Variants in CYP3A5 observed in about 807,000 individuals in gnomAD.
CYP3A5 encodes cytochrome P450 family 3 subfamily A member 5.
In CYP3A5, 51 loss-of-function variants were observed where a neutral mutation model predicts 55.9. The observed-to-expected ratio is 0.91, with a 90% CI of 0.73 to 1.15. CYP3A5 has a LOEUF of 1.15. Among genes scored for constraint, CYP3A5 ranks in the 50% most tolerant of loss-of-function variants. The probability of loss-of-function intolerance (pLI) is 0.00; values close to 1 mark genes in which losing one functional copy is unlikely to be tolerated. For synonymous variants in CYP3A5, 196 were observed against 213.9 expected, an observed-to-expected ratio of 0.92 and a Z score of 0.73; for missense variants, 533 against 596.6, an observed-to-expected ratio of 0.89 and a Z score of 1.11.
intron 10 of CYP3A5, among the ~76,000 whole-genome samples, chr7:99,656,639 T>C (rs1809767665): frequency 6.6e-6 from 1 of 152,236 alleles, no homozygotes; most frequent in African/African-American, 2.4e-5. Flanking sequence ...TTGATTGGAA[T>C]AGTTTCAGAA....
Position 99,662,770 on chromosome 7 carries a change from C to A in CYP3A5, c.865+46G>T. ...GCACATTTTCAGAACAAGGCCCTCC[C>A]TCTTAGTGTCCCCGCCAGTAGCCCT... On this transcript the variant is annotated intron_variant, in intron 9 of 12. Coordinates refer to ENST00000222982, the MANE Select transcript of CYP3A5 (RefSeq NM_000777.5). The surrounding 1 kb of genome is among the most constrained non-coding windows in gnomAD (Gnocchi z 4.3). The A allele has an allele frequency of 6.4e-7, 1 of 1,562,842 alleles. No individual in the cohort carries two copies. The highest frequency in any genetic ancestry group is 1.1e-5 in the South Asian group (1 of 89,816).
chr7:99,655,387 G>T (rs565337394), intron 10 of CYP3A5, among the ~76,000 whole-genome samples: 2 of 152,308 alleles, frequency 1.3e-5, no homozygotes, highest in East Asian at 3.9e-4. Flanking sequence ...TCAGATGGTT[G>T]TAGATATGTG....
chr7:99,660,988 C>T (rs922843593), intron 9 of CYP3A5, among the ~76,000 whole-genome samples: 2 of 152,076 alleles, frequency 1.3e-5, no homozygotes, highest in African/African-American at 4.8e-5. Context: ...CTTGAATGAT[C>T]CTAAAAGTAC....
chr7:99,648,726 T>G (rs993772316), intron 12 of CYP3A5, among the ~76,000 whole-genome samples: 6 of 152,030 alleles, frequency 3.9e-5, no homozygotes, highest in African/African-American at 1.4e-4. Flanking sequence ...AAATCCAGAT[T>G]AGTAGGTATT....
intron 1 of CYP3A5, among the ~76,000 whole-genome samples, chr7:99,679,050 A>T (rs1336118404): frequency 6.6e-6 from 1 of 152,258 alleles, no homozygotes; most frequent in Non-Finnish European, 1.5e-5. Context: ...GATTCCCATT[A>T]GGTGAGAAAC....
Position 99,674,643 on chromosome 7 carries a change from T to G in CYP3A5, c.166-58A>C, listed in dbSNP as rs1812041665. 8 of 1,461,738 alleles carry G rather than the reference T, an allele frequency of 5.5e-6. No individual in the cohort carries two copies. The East Asian group carries it at 1.9e-4, about 34-fold the overall frequency. 90.5% of individuals were successfully genotyped at this position (1,461,738 alleles called of 1,614,324 possible). On this transcript the variant is annotated intron_variant, in intron 2 of 12. Coordinates refer to ENST00000222982, the MANE Select transcript of CYP3A5 (RefSeq NM_000777.5). ...TATTTTAAATAGAATAAACCCTACC[T>G]CTAATTGGGGCTGAAAACAGTTGCG...
At chr7:99,678,441 A>G (rs115171091) in intron 1 of CYP3A5, among the ~76,000 whole-genome samples, 54 of 152,374 alleles carry the variant, frequency 3.5e-4, no homozygotes, top group African/African-American at 1.3e-3. Context: ...ACAATCTGCT[A>G]AGCAGGTATA....
In CYP3A5 at chr7:99,662,774, TAGTGTCCCCGCC is replaced by T; in HGVS notation, c.865+30_865+41del. ...ATTTTCAGAACAAGGCCCTCCCTCT[TAGTGTCCCCGCC>T]AGTAGCCCTCAGAAGCACTCCTTGG... is the stretch of plus-strand genomic sequence containing the variant. On this transcript the variant is annotated intron_variant, in intron 9 of 12. Coordinates refer to ENST00000222982, the MANE Select transcript of CYP3A5 (RefSeq NM_000777.5). This position sits in a 1 kb window ranked among gnomAD's most constrained non-coding sequence, Gnocchi z 4.3. 1 of 1,572,346 alleles carries T rather than the reference TAGTGTCCCCGCC, an allele frequency of 6.4e-7. No homozygotes were observed. The highest frequency in any genetic ancestry group is 8.7e-7 in the Non-Finnish European group (1 of 1,143,366).
intron 12 of CYP3A5, among the ~76,000 whole-genome samples, chr7:99,649,366 G>T (rs1808935076): frequency 6.6e-6 from 1 of 152,174 alleles, no homozygotes; most frequent in South Asian, 2.1e-4. Flanking sequence ...AGACTTATAG[G>T]CTATTGCTTA....
intron 10 of CYP3A5, among the ~76,000 whole-genome samples, chr7:99,655,854 G>C (rs1334537130): frequency 6.6e-6 from 1 of 152,282 alleles, no homozygotes; most frequent in East Asian, 1.9e-4. Context: ...GTGAATGGGA[G>C]TTCACTCATG....
chr7:99,671,575 T>C lies in CYP3A5; in HGVS notation c.318+1005A>G. 2.4e-6 allele frequency: 1 copy of C among 408,440 alleles called. No individual in the cohort carries two copies. 25.3% of individuals were successfully genotyped at this position (408,440 alleles called of 1,614,324 possible). ...ACCTTGATCTAAATCTCATAACTTA[T>C]GCAAATATTAACACAAAATGGGTAA... is the stretch of plus-strand genomic sequence containing the variant. On this transcript the variant is annotated intron_variant, in intron 4 of 12. Coordinates refer to ENST00000222982, the MANE Select transcript of CYP3A5 (RefSeq NM_000777.5).
At chr7:99,675,735 C>G (rs1457175448) in intron 2 of CYP3A5, among the ~76,000 whole-genome samples, 1 of 131,702 alleles carries the variant, frequency 7.6e-6, no homozygotes, top group African/African-American at 3.0e-5. Context: ...GTTCTGTTGA[C>G]CAAGCTGGAG....
chr7:99,661,033 C>T (rs577731729), intron 9 of CYP3A5, among the ~76,000 whole-genome samples: 18 of 152,150 alleles, frequency 1.2e-4, no homozygotes, highest in East Asian at 5.8e-4. Flanking sequence ...AGGCTTTTTC[C>T]CAATAAAAAT....
intron 7 of CYP3A5, 39 bp downstream of exon 7, chr7:99,665,127 T>G (rs1463867163): frequency 4.0e-6 from 6 of 1,501,778 alleles, no homozygotes; most frequent in Non-Finnish European, 5.5e-6. Flanking sequence ...AGAAAGCAGT[T>G]ATTTTTAAAA....
chr7:99,668,670 CAA>C (rs1219909105), intron 4 of CYP3A5, among the ~76,000 whole-genome samples: 2 of 152,290 alleles, frequency 1.3e-5, no homozygotes, highest in Admixed American at 6.5e-5. Context: ...AATTAACTAA[CAA>C]AGAGCGAGAG....
At chr7:99,663,102 T>C in intron 8 of CYP3A5, 1 of 1,264,702 alleles carries the variant, frequency 7.9e-7, no homozygotes, top group African/African-American at 1.5e-5. Flanking sequence ...TCATGTCCAA[T>C]TGCTTTTTCG....
rs892591103 is a variant in CYP3A5, at chr7:99,664,219, C to T, written c.671-124G>A. 6 of 879,148 alleles carry T rather than the reference C, an allele frequency of 6.8e-6. No individual in the cohort carries two copies. The Admixed American group carries it at 1.1e-4, about 16-fold the overall frequency. The allele number at this position is 879,148 out of a possible 1,614,324, so 54.5% of individuals were successfully genotyped here. A position where few individuals can be genotyped will look rare whatever the true frequency, so the allele number is the denominator to read the frequency against. On this transcript the variant is annotated intron_variant, in intron 7 of 12. Coordinates refer to ENST00000222982, the MANE Select transcript of CYP3A5 (RefSeq NM_000777.5). ...TCATGATTCTCAACTGGAACCCATT[C>T]CTTTTATCATGTTTGCCCTTCTTTC...
At position 99,658,532 on chromosome 7, in the gene CYP3A5, A is replaced by G. The variant is rs1352095128; in HGVS notation, c.1026+1967T>C. Among the ~76,000 whole-genome samples, 9 of 152,042 alleles carry G rather than the reference A, an allele frequency of 5.9e-5. No individual in the cohort carries two copies. In the South Asian group the frequency reaches 1.0e-3, roughly 18 times the overall value. ...CCTTAACATTTTTTCCTTCATTTCA[A>G]CTTTGGTGAATCTGACAATTATGTG... On this transcript the variant is annotated intron_variant, in intron 10 of 12. Coordinates refer to ENST00000222982, the MANE Select transcript of CYP3A5 (RefSeq NM_000777.5).
intron 10 of CYP3A5, chr7:99,659,300 G>T (rs1009249429): frequency 5.2e-5 from 8 of 152,800 alleles, no homozygotes; most frequent in African/African-American, 1.9e-4. Context: ...TGACAGTCAG[G>T]ATCCTCAGCT....
Sources: gnomAD v4.1 joint callset for allele counts (sites outside exome capture counted in the v4.1 genomes callset) on GRCh38, gnomAD v4.1.1 for gene constraint, Gnocchi (gnomAD v3.1) non-coding constraint, MANE v1.5 for transcripts, NCBI Gene and HGNC (gene_info 2026-07-23, HGNC 2026-07-21) for gene names.